FRMD4B: variants seen among roughly 807,000 people sequenced by gnomAD.
FRMD4B encodes FERM domain containing 4B.
FRMD4B carries 74 observed loss-of-function variants against 141.5 expected under a neutral mutation model. That is an observed-to-expected ratio of 0.52 (90% CI 0.43 to 0.63). FRMD4B has a LOEUF of 0.63. FRMD4B is among the 30% of genes least tolerant of loss of function. The pLI, the probability that FRMD4B is intolerant of heterozygous loss-of-function variation, is 0.00. For synonymous variants in FRMD4B, 506 were observed against 467.9 expected, an observed-to-expected ratio of 1.08 and a Z score of -1.05; for missense variants, 1,366 against 1,253.4, an observed-to-expected ratio of 1.09 and a Z score of -1.36.
chr3:69,233,840 C>A (rs1263278748), intron 7 of FRMD4B, among the ~76,000 whole-genome samples: 1 of 152,106 alleles, frequency 6.6e-6, no homozygotes, highest in East Asian at 1.9e-4. Context: ...CTTGTATAGG[C>A]CTTGATGAGA....
chr3:69,353,669 G>A (rs948067565), intron 1 of FRMD4B: 6 of 984,606 alleles, frequency 6.1e-6, no homozygotes, highest in African/African-American at 5.2e-5. Context: ...GCGCGCATGT[G>A]CTTGCATTTT....
At chr3:69,542,271 C>A (rs941387775) in exon 1 of FRMD4B, 1 of 152,364 alleles carries the variant, frequency 6.6e-6, no homozygotes, top group Non-Finnish European at 1.5e-5. Flanking sequence ...GTCTCGGCTG[C>A]GCACCGCGCG....
chr3:69,306,709 TTTC>T (rs1701405149), intron 3 of FRMD4B: 1 of 152,228 alleles, frequency 6.6e-6, no homozygotes, highest in Non-Finnish European at 1.5e-5. Context: ...TATTTTTCCG[TTTC>T]TCCTCTTGGC....
At chr3:69,297,669 T>C (rs550330079) in intron 4 of FRMD4B, among the ~76,000 whole-genome samples, 1 of 152,136 alleles carries the variant, frequency 6.6e-6, no homozygotes, top group Non-Finnish European at 1.5e-5. Flanking sequence ...TGCTCCTCAC[T>C]GTCAAGCCTT....
intron 9 of FRMD4B, among the ~76,000 whole-genome samples, chr3:69,219,179 T>A (rs1158415719): frequency 6.8e-5 from 8 of 118,396 alleles, no homozygotes; most frequent in African/African-American, 8.8e-5. Flanking sequence ...AAAAAAAAAG[T>A]CCCCCCAAAA....
At chr3:69,470,913 G>A (rs1033961205) in intron 1 of FRMD4B, among the ~76,000 whole-genome samples, 2 of 152,130 alleles carry the variant, frequency 1.3e-5, no homozygotes, top group African/African-American at 4.8e-5. Context: ...CATCCCACAT[G>A]GCCGACAGGC....
rs114260280 is a variant in FRMD4B at position 69,189,711 on chromosome 3, G to A, written c.1771+185C>T. Among the ~76,000 whole-genome samples, 441 of 152,252 alleles carry A rather than the reference G, an allele frequency of 2.9e-3. 2 individuals are homozygous for A. Among genetic ancestry groups the A allele is most frequent in the African/African-American group, 1.0e-2 (414 of 41,550 alleles). ...TGATTTTTGTGGTCCTGTTATTAAC[G>A]CTGAGTTAACCTGAGTAGGTGTTAA... On this transcript the variant is annotated intron_variant, in intron 18 of 22. Coordinates refer to ENST00000398540, the MANE Select transcript of FRMD4B (RefSeq NM_015123.3).
intron 7 of FRMD4B, among the ~76,000 whole-genome samples, chr3:69,239,816 G>A (rs1467248390): frequency 6.6e-6 from 1 of 152,084 alleles, no homozygotes; most frequent in African/African-American, 2.4e-5. Context: ...CAGTACTTTG[G>A]GAAGCTGAGG....
At position 69,434,775 on chromosome 3, in the gene FRMD4B, G is replaced by A. The variant is rs186836329; in HGVS notation, c.-128-2014C>T. 1.5e-3 allele frequency among the ~76,000 whole-genome samples: 221 copies of A among 152,328 alleles called. 1 individual carries two copies. Among genetic ancestry groups the A allele is most frequent in the Non-Finnish European group, 2.5e-3 (173 of 68,030 alleles). Reference sequence around the variant, plus strand: ...CAAAGAAATGTTAAGATCTCAATGAGTTGGGGTAGATGAGTTACAATCACG... The same window carrying A: ...CAAAGAAATGTTAAGATCTCAATGAATTGGGGTAGATGAGTTACAATCACG... On this transcript the variant is annotated intron_variant, in intron 1 of 5. Transcript: ENST00000459638.
intron 1 of FRMD4B, among the ~76,000 whole-genome samples, chr3:69,495,891 C>T (rs997961842): frequency 6.6e-6 from 1 of 151,352 alleles, no homozygotes; most frequent in Non-Finnish European, 1.5e-5. Context: ...TAGTAATTCA[C>T]TAAACAGATT....
At chr3:69,188,034 A>C (rs1466745621) in intron 18 of FRMD4B, 117 bp from the exon 19 acceptor site, 1 of 657,944 alleles carries the variant, frequency 1.5e-6, no homozygotes, top group East Asian at 2.8e-5. Flanking sequence ...GTGTTCTTCC[A>C]AAGATGATAT....
At chr3:69,408,060 C>A (rs1335444758) in intron 2 of FRMD4B, among the ~76,000 whole-genome samples, 1 of 152,006 alleles carries the variant, frequency 6.6e-6, no homozygotes, top group Non-Finnish European at 1.5e-5. Context: ...GGAAAGCAGC[C>A]GAGACAATGC....
At chr3:69,436,120 A>C (rs909765400) in intron 1 of FRMD4B, among the ~76,000 whole-genome samples, 3 of 152,170 alleles carry the variant, frequency 2.0e-5, no homozygotes, top group African/African-American at 7.2e-5. Context: ...ACTCTACTGG[A>C]GTTTGCTTCC....
chr3:69,424,939 A>G (rs566813106), intron 2 of FRMD4B, among the ~76,000 whole-genome samples: 1 of 152,326 alleles, frequency 6.6e-6, no homozygotes, highest in African/African-American at 2.4e-5. Flanking sequence ...GCCTTTGGTA[A>G]TTAGGACTTG....
chr3:69,394,406 G>T (rs548125252), intron 2 of FRMD4B, among the ~76,000 whole-genome samples: 1 of 152,352 alleles, frequency 6.6e-6, no homozygotes, highest in Admixed American at 6.5e-5. Context: ...GGCATGGATG[G>T]TTCTAGGATG....
chr3:69,260,367 G>C (rs1407591571), intron 5 of FRMD4B, among the ~76,000 whole-genome samples: 2 of 152,220 alleles, frequency 1.3e-5, no homozygotes, highest in African/African-American at 4.8e-5. Context: ...TCTGCACCCG[G>C]AGCGGCTGGT....
intron 1 of FRMD4B, among the ~76,000 whole-genome samples, chr3:69,500,766 G>C (rs893882578): frequency 1.3e-5 from 2 of 151,952 alleles, no homozygotes; most frequent in Admixed American, 1.3e-4. Flanking sequence ...AAGTGGGAGA[G>C]AGAAAGGAAG....
intron 1 of FRMD4B, among the ~76,000 whole-genome samples, chr3:69,325,350 G>A (rs922665398): frequency 6.6e-6 from 1 of 152,178 alleles, no homozygotes; most frequent in Non-Finnish European, 1.5e-5. Context: ...AGCCAGCTTC[G>A]GGCAGACATT....
intron 5 of FRMD4B, among the ~76,000 whole-genome samples, chr3:69,282,257 A>C (rs769250842): frequency 4.6e-5 from 7 of 152,306 alleles, no homozygotes; most frequent in Non-Finnish European, 8.8e-5. Flanking sequence ...CTGTAGGCGA[A>C]AGCTGTCTGG....
Sources: gnomAD v4.1 joint callset for allele counts (sites outside exome capture counted in the v4.1 genomes callset) on GRCh38, gnomAD v4.1.1 for gene constraint, MANE v1.5 for transcripts, NCBI Gene and HGNC (gene_info 2026-07-23, HGNC 2026-07-21) for gene names.